The following EVL variants were observed in gnomAD, a reference collection of about 807,000 sequenced individuals.
EVL encodes Enah/Vasp-like.
A neutral mutation model predicts 59.6 loss-of-function variants in EVL; 21 were observed. That is an observed-to-expected ratio of 0.35 (90% CI 0.25 to 0.51). The LOEUF (loss-of-function observed/expected upper bound fraction) is 0.51, where lower values mean the gene tolerates loss of function less well. EVL is among the 20% of genes least tolerant of loss of function. The pLI is 0.97. For missense variants in EVL, 462 were observed against 546.6 expected (o/e 0.85, Z 1.54); for synonymous variants, 198 against 203.5 (o/e 0.97, Z 0.23).
chr14:100,054,049 CTTTTTTTTTT>C lies in EVL; in HGVS notation c.6-30623_6-30614del, dbSNP rs11302582. Among the ~76,000 whole-genome samples the C allele has an allele frequency of 3.3e-5, 2 of 61,256 alleles. 1 individual carries two copies. The highest frequency in any genetic ancestry group is 1.3e-4 in the African/African-American group (2 of 15,350). The allele number at this position is 61,256 out of a possible 152,430, so 40.2% of individuals were successfully genotyped here. ...TTTTTTGCATTTTATTATTTTTGGA[CTTTTTTTTTT>C]TTTTTTTTTTTTTTGAGACAGAATC... On this transcript the variant is annotated intron_variant, in intron 1 of 13. Coordinates refer to the EVL transcript ENST00000402714.
At chr14:99,986,289 T>TAAAAAAA (rs2060839622) in intron 1 of EVL, among the ~76,000 whole-genome samples, 2 of 75,144 alleles carry the variant, frequency 2.7e-5, no homozygotes, top group Non-Finnish European at 4.7e-5. Context: ...GGACTCTGTC[T>TAAAAAAA]CAAAAAAAAA....
intron 1 of EVL, among the ~76,000 whole-genome samples, chr14:100,071,491 G>A (rs2062047758): frequency 6.6e-6 from 1 of 152,180 alleles, no homozygotes; most frequent in East Asian, 1.9e-4. Flanking sequence ...CATCACTGTG[G>A]CAGCTAATGA....
At chr14:99,984,644 G>T (rs2060828534) in intron 1 of EVL, among the ~76,000 whole-genome samples, 1 of 151,944 alleles carries the variant, frequency 6.6e-6, no homozygotes, top group South Asian at 2.1e-4. Context: ...ACAGAGTTTT[G>T]CTCTGGTCAC....
At chr14:100,123,158 A>T (rs1687768275) in intron 3 of EVL, among the ~76,000 whole-genome samples, 1 of 152,218 alleles carries the variant, frequency 6.6e-6, no homozygotes, top group South Asian at 2.1e-4. Context: ...TAATTAGAAC[A>T]TCCTGGTGGG....
chr14:100,096,368 C>A (rs1885812630), intron 2 of EVL, among the ~76,000 whole-genome samples: 1 of 152,212 alleles, frequency 6.6e-6, no homozygotes, highest in Non-Finnish European at 1.5e-5. Context: ...GCTCTCCGGC[C>A]TCATCCAGAC....
rs563567584 is a variant in EVL, at chr14:100,023,143, C to G, written c.5+51086C>G. Reference sequence around the variant, plus strand: ...ACAAGACTATTGTTCTACCACCAGGCAAGCTGTTCTAGCTGGCTCTTGGGG... The same window carrying G: ...ACAAGACTATTGTTCTACCACCAGGGAAGCTGTTCTAGCTGGCTCTTGGGG... On this transcript the variant is annotated intron_variant, in intron 1 of 13. Transcript: ENST00000402714. Among the ~76,000 whole-genome samples the G allele has an allele frequency of 2.2e-4, 34 of 151,928 alleles. 1 individual carries two copies. In the South Asian group the frequency reaches 6.9e-3, roughly 31 times the overall value.
At chr14:100,094,884 AC>A (rs1233609731) in intron 2 of EVL, among the ~76,000 whole-genome samples, 2 of 152,074 alleles carry the variant, frequency 1.3e-5, no homozygotes, top group Admixed American at 6.6e-5. Context: ...TACTAAAAAT[AC>A]AAAAAATTAG....
intron 1 of EVL, among the ~76,000 whole-genome samples, chr14:100,084,008 G>A (rs2062375214): frequency 6.6e-6 from 1 of 150,850 alleles, no homozygotes; most frequent in African/African-American, 2.4e-5. Flanking sequence ...TGCTTCATAA[G>A]TCATGAAGCT....
intron 1 of EVL, among the ~76,000 whole-genome samples, chr14:100,034,001 G>A (rs1247795783): frequency 6.6e-6 from 1 of 151,820 alleles, no homozygotes; most frequent in African/African-American, 2.4e-5. Flanking sequence ...CGAGGTGGGC[G>A]GATCACCTGA....
In EVL at chr14:100,127,551, A is replaced by G. The variant is rs1166484282; in HGVS notation, c.487+780A>G. On this transcript the variant is annotated intron_variant, in intron 5 of 13. Transcript: ENST00000392920. The surrounding 1 kb of genome is among the most constrained non-coding windows in gnomAD (Gnocchi z 4.2). ...TTTCTGATGCAGGTCTGACACTGTC[A>G]TCATGTCGTCCCTTCCCCATCACTC... 2.0e-5 allele frequency among the ~76,000 whole-genome samples: 3 copies of G among 152,192 alleles called. No homozygotes were observed. The highest frequency in any genetic ancestry group is 6.5e-5 in the Admixed American group (1 of 15,302).
At chr14:100,103,030 A>G (rs1205059735) in intron 3 of EVL, among the ~76,000 whole-genome samples, 1 of 151,554 alleles carries the variant, frequency 6.6e-6, no homozygotes, top group Non-Finnish European at 1.5e-5. Context: ...TGAACCCGGA[A>G]GAAAAAGGTT....
chr14:100,123,593 T>A lies in EVL; in HGVS notation c.413T>A (p.Ile138Asn), dbSNP rs1887837386. The change falls in exon 4 of 14, where the codon ATC becomes AAC. Residue 138 changes from isoleucine (I) to asparagine (N), a missense_variant. By Grantham distance (149) the Ile-to-Asn change is moderately radical. Coordinates refer to ENST00000392920, the MANE Select transcript of EVL (RefSeq NM_016337.3). ...GGCCCCTCTCCTGATGAGATGGACA[T>A]CCAGAGAAGGTAACCCAGCACCCGC... ...QNGPSPDEMD[I>N]QRRQVMEQHQ... is the part of the protein sequence containing the mutation. 1.1e-5 allele frequency: 17 copies of A among 1,613,994 alleles called. No individual in the cohort carries two copies. The highest frequency in any genetic ancestry group is 9.3e-6 in the Non-Finnish European group (11 of 1,179,956).
At chr14:100,128,335 T>G (rs1410876382) in intron 5 of EVL, among the ~76,000 whole-genome samples, 184 bp from the exon 6 acceptor site, 4 of 152,104 alleles carry the variant, frequency 2.6e-5, no homozygotes, top group African/African-American at 9.7e-5. Flanking sequence ...GAATAGGGAA[T>G]AATTGTGCCA....
At chr14:100,141,308 C>A (rs1889151122) in intron 12 of EVL, 62 bp downstream of exon 12, 15 of 1,579,732 alleles carry the variant, frequency 9.5e-6, no homozygotes, top group Non-Finnish European at 1.3e-5. Context: ...GGGGGACCGT[C>A]TCTGACCAGC....
At chr14:100,087,808 C>T (rs1040095869) in intron 2 of EVL, among the ~76,000 whole-genome samples, 1 of 150,702 alleles carries the variant, frequency 6.6e-6, no homozygotes, top group African/African-American at 2.5e-5. Flanking sequence ...GGTCATTCTT[C>T]CCGCAGAATG....
At chr14:99,997,643 A>G (rs2060922368) in intron 1 of EVL, among the ~76,000 whole-genome samples, 2 of 152,242 alleles carry the variant, frequency 1.3e-5, no homozygotes, top group South Asian at 4.1e-4. Flanking sequence ...AGGGTTCTGT[A>G]CATCCAAAAT....
intron 1 of EVL, chr14:100,019,641 A>G (rs1566970721): frequency 1.3e-6 from 2 of 1,531,366 alleles, no homozygotes; most frequent in Admixed American, 2.0e-5. Flanking sequence ...CACACAATCT[A>G]AGGAAATTGT....
intron 1 of EVL, among the ~76,000 whole-genome samples, chr14:100,081,582 C>T (rs1260219112): frequency 6.6e-6 from 1 of 151,140 alleles, no homozygotes; most frequent in Non-Finnish European, 1.5e-5. Flanking sequence ...GGTCTTCAGG[C>T]ATCTAGTGGC....
At chr14:100,126,577 C>T (rs1314830565) in intron 4 of EVL, 130 bp from the exon 5 acceptor site, 1 of 891,074 alleles carries the variant, frequency 1.1e-6, no homozygotes, top group African/African-American at 1.7e-5. Flanking sequence ...AGCCGTGGCA[C>T]ACAGTGGCGC....
Sources: gnomAD v4.1 joint callset for allele counts (sites outside exome capture counted in the v4.1 genomes callset) on GRCh38, gnomAD v4.1.1 for gene constraint, Gnocchi (gnomAD v3.1) non-coding constraint, MANE v1.5 for transcripts, NCBI Gene and HGNC (gene_info 2026-07-23, HGNC 2026-07-21) for gene names.